HAO1: variants seen among roughly 807,000 people sequenced by gnomAD.
The protein encoded by HAO1 is 2-Hydroxyacid oxidase 1.
A neutral mutation model predicts 39.7 loss-of-function variants in HAO1; 34 were observed. That is an observed-to-expected ratio of 0.86 (90% CI 0.65 to 1.14). HAO1 has a LOEUF of 1.14. Among genes scored for constraint, HAO1 ranks in the 50% most tolerant of loss-of-function variants. HAO1 has a pLI of 0.00. For missense variants in HAO1, 479 were observed against 464.5 expected (o/e 1.03, Z -0.29); for synonymous variants, 172 against 173.2 (o/e 0.99, Z 0.05).
At chr20:7,929,541 G>A (rs2050376661) in intron 2 of HAO1, among the ~76,000 whole-genome samples, 1 of 152,002 alleles carries the variant, frequency 6.6e-6, no homozygotes, top group African/African-American at 2.4e-5. Flanking sequence ...TAGCTTCATT[G>A]GTCACTCTAC....
chr20:7,883,906 A>G (rs1400469760), intron 7 of HAO1, among the ~76,000 whole-genome samples: 1 of 152,230 alleles, frequency 6.6e-6, no homozygotes, highest in African/African-American at 2.4e-5. Context: ...ATAGAGAGTC[A>G]GTGACTGAAA....
intron 2 of HAO1, among the ~76,000 whole-genome samples, chr20:7,930,273 G>T (rs1179273747): frequency 6.6e-6 from 1 of 151,992 alleles, no homozygotes; most frequent in Non-Finnish European, 1.5e-5. Context: ...ACAACAAATT[G>T]CATAGATTTC....
chr20:7,889,377 A>C (rs1172455432), intron 5 of HAO1, among the ~76,000 whole-genome samples: 2 of 152,198 alleles, frequency 1.3e-5, no homozygotes, highest in African/African-American at 4.8e-5. Flanking sequence ...AATTGAAAAA[A>C]AATGCTCATA....
chr20:7,908,735 G>A (rs538995618), intron 3 of HAO1, among the ~76,000 whole-genome samples: 1 of 152,248 alleles, frequency 6.6e-6, no homozygotes, highest in South Asian at 2.1e-4. Flanking sequence ...CTTTGGTGGG[G>A]ATTTTAGCTG....
chr20:7,918,925 G>A (rs1294639260), intron 2 of HAO1, among the ~76,000 whole-genome samples: 1 of 152,166 alleles, frequency 6.6e-6, no homozygotes, highest in Non-Finnish European at 1.5e-5. Flanking sequence ...CTGACTCCCT[G>A]CTCCCAAAGC....
chr20:7,929,335 G>A (rs2122794553), intron 2 of HAO1, among the ~76,000 whole-genome samples: 2 of 152,248 alleles, frequency 1.3e-5, no homozygotes, highest in East Asian at 3.9e-4. Context: ...TAGTGTGTAA[G>A]CATTTCTAGC....
At chr20:7,902,764 A>T (rs2050226584) in intron 4 of HAO1, among the ~76,000 whole-genome samples, 2 of 152,190 alleles carry the variant, frequency 1.3e-5, no homozygotes, top group South Asian at 4.1e-4. Flanking sequence ...GAAAAAAGCC[A>T]TTTGTTTGCT....
At chr20:7,909,375 ATATG>A (rs369761398) in intron 3 of HAO1, among the ~76,000 whole-genome samples, 2,207 of 99,644 alleles carry the variant, frequency 0.022, 66 homozygotes, top group African/African-American at 0.047. Context: ...ATATATATAT[ATATG>A]TATATATATA....
At chr20:7,890,576 G>A (rs1227123279) in intron 5 of HAO1, among the ~76,000 whole-genome samples, 2 of 151,888 alleles carry the variant, frequency 1.3e-5, no homozygotes, top group Non-Finnish European at 2.9e-5. Flanking sequence ...TAAGTTATTG[G>A]GGTACAGGTG....
rs141362000 is a variant in HAO1 at position 7,923,600 on chromosome 20, A to G, written c.290-9181T>C. ...CCTTGAGGGTCTTCAGAAGGGAACA[A>G]TATCCATCTACATCTAATAGTGTCA... On this transcript the variant is annotated intron_variant, in intron 2 of 7. Transcript: ENST00000378789. Among the ~76,000 whole-genome samples the G allele has an allele frequency of 1.2e-3, 182 of 152,262 alleles. 3 individuals are homozygous for G. The highest frequency in any genetic ancestry group is 4.2e-3 in the African/African-American group (174 of 41,538).
intron 4 of HAO1, among the ~76,000 whole-genome samples, chr20:7,897,148 T>C (rs1343934110): frequency 6.6e-6 from 1 of 152,228 alleles, no homozygotes; most frequent in Non-Finnish European, 1.5e-5. Flanking sequence ...CATCAGTCCA[T>C]TGTCTTCTAG....
At chr20:7,912,727 G>T (rs773209971) in intron 3 of HAO1, among the ~76,000 whole-genome samples, 6 of 152,158 alleles carry the variant, frequency 3.9e-5, no homozygotes, top group African/African-American at 7.2e-5. Flanking sequence ...TTAAACACAG[G>T]TTGTTTAGGT....
intron 5 of HAO1, among the ~76,000 whole-genome samples, chr20:7,889,814 T>A (rs1204042296): frequency 1.3e-5 from 2 of 152,168 alleles, no homozygotes; most frequent in Non-Finnish European, 2.9e-5. Flanking sequence ...AGCAACACAA[T>A]ACTGTGAAGA....
At chr20:7,884,056 G>C (rs1226474715) in intron 7 of HAO1, among the ~76,000 whole-genome samples, 1 of 152,098 alleles carries the variant, frequency 6.6e-6, no homozygotes, top group Admixed American at 6.6e-5. Context: ...TTATCTATGG[G>C]AACAATCCAG....
chr20:7,898,955 AAAAC>A (rs1247324428), intron 4 of HAO1, among the ~76,000 whole-genome samples: 1 of 152,064 alleles, frequency 6.6e-6, no homozygotes, highest in South Asian at 2.1e-4. Context: ...TAAAAAAAAA[AAAAC>A]AAAAAACCAC....
chr20:7,884,030 A>G (rs2050139856), intron 7 of HAO1, among the ~76,000 whole-genome samples: 1 of 152,150 alleles, frequency 6.6e-6, no homozygotes, highest in Non-Finnish European at 1.5e-5. Context: ...TGAGTAGACC[A>G]TTTATCTGGG....
At chr20:7,895,897 A>C (rs2050195138) in intron 4 of HAO1, among the ~76,000 whole-genome samples, 1 of 151,620 alleles carries the variant, frequency 6.6e-6, no homozygotes, top group South Asian at 2.1e-4. Context: ...AATACAAAAA[A>C]ACAAAAACAA....
At chr20:7,930,540 T>A (rs1238232441) in intron 2 of HAO1, among the ~76,000 whole-genome samples, 1 of 152,194 alleles carries the variant, frequency 6.6e-6, no homozygotes, top group African/African-American at 2.4e-5. Context: ...GCAAGTCATC[T>A]TATTTGGAAA....
At chr20:7,939,798 A>C (rs1185066078) in intron 1 of HAO1, among the ~76,000 whole-genome samples, 2 of 152,204 alleles carry the variant, frequency 1.3e-5, no homozygotes, top group Admixed American at 6.5e-5. Context: ...TGCTGCATAG[A>C]CAAATTGAAA....
Sources: gnomAD v4.1 joint callset for allele counts (sites outside exome capture counted in the v4.1 genomes callset) on GRCh38, gnomAD v4.1.1 for gene constraint, MANE v1.5 for transcripts, NCBI Gene and HGNC (gene_info 2026-07-23, HGNC 2026-07-21) for gene names.